The following SCAPER variants were observed in gnomAD, a reference collection of about 807,000 sequenced individuals.
The protein encoded by SCAPER is S phase cyclin A-associated protein in the endoplasmic reticulum.
A neutral mutation model predicts 182.2 loss-of-function variants in SCAPER; 98 were observed. The observed-to-expected ratio is 0.54, with a 90% CI of 0.46 to 0.64. The LOEUF (loss-of-function observed/expected upper bound fraction) is 0.64. Ranked by LOEUF, SCAPER falls within the 30% of genes least tolerant of loss-of-function variation. SCAPER has a pLI of 0.00. For synonymous variants in SCAPER, 605 were observed against 564.6 expected (o/e 1.07, Z -1.01); for missense variants, 1,432 against 1,690.0 (o/e 0.85, Z 2.68).
chr15:76,842,001 G>A (rs1955196051), intron 4 of SCAPER, 70 bp from the exon 5 acceptor site: 1 of 1,365,486 alleles, frequency 7.3e-7, no homozygotes, highest in Non-Finnish European at 1.0e-6. Context: ...TTTTTATAAA[G>A]ATTCAATCAA....
chr15:76,661,727 T>G (rs2056189853), intron 21 of SCAPER, among the ~76,000 whole-genome samples: 1 of 152,194 alleles, frequency 6.6e-6, no homozygotes. Context: ...TTTTACACTG[T>G]TGGTGGAAAT....
intron 24 of SCAPER, among the ~76,000 whole-genome samples, chr15:76,483,830 AGTACTTGACAT>A (rs1337905904): frequency 6.6e-6 from 1 of 152,206 alleles, no homozygotes; most frequent in Admixed American, 6.5e-5. Flanking sequence ...TAAAATCCAA[AGTACTTGACAT>A]CAGAAATGCG....
At chr15:76,508,824 T>C (rs1284649589) in intron 23 of SCAPER, among the ~76,000 whole-genome samples, 1 of 152,204 alleles carries the variant, frequency 6.6e-6, no homozygotes, top group Non-Finnish European at 1.5e-5. Context: ...CCCATGCTCC[T>C]TGTATGGTCA....
At chr15:76,387,644 T>C (rs970980394) in intron 27 of SCAPER, among the ~76,000 whole-genome samples, 2 of 151,954 alleles carry the variant, frequency 1.3e-5, no homozygotes, top group African/African-American at 4.8e-5. Flanking sequence ...AACTAAAAAA[T>C]AGTCACCAGT....
At chr15:76,641,886 T>G (rs1177077531) in intron 21 of SCAPER, among the ~76,000 whole-genome samples, 1 of 152,204 alleles carries the variant, frequency 6.6e-6, no homozygotes, top group Non-Finnish European at 1.5e-5. Flanking sequence ...TGACTTTGTC[T>G]AAATGAAGAA....
chr15:76,840,981 A>C (rs11633869), intron 5 of SCAPER, among the ~76,000 whole-genome samples: 50,399 of 152,112 alleles, frequency 0.33, 8,616 homozygotes, highest in East Asian at 0.55. Context: ...TAGAAGAGTG[A>C]TAAGTATCTC....
rs2046989580 is a variant in SCAPER at position 76,565,710 on chromosome 15, G to A, written c.2838+8448C>T. Among the ~76,000 whole-genome samples the A allele has an allele frequency of 2.6e-5, 4 of 151,848 alleles. No homozygotes were observed. In the South Asian group the frequency reaches 8.3e-4, roughly 31 times the overall value. On this transcript the variant is annotated intron_variant, in intron 23 of 31. Transcript: ENST00000563290. ...CTCCTTCTCTCAACACCTGCTTTTTGTTGTTTCTTTTTAAAAAATACAAAC... is the reference window on the plus strand; with the variant it reads ...CTCCTTCTCTCAACACCTGCTTTTTATTGTTTCTTTTTAAAAAATACAAAC...
intron 22 of SCAPER, among the ~76,000 whole-genome samples, chr15:76,607,402 G>T (rs1334517123): frequency 6.6e-6 from 1 of 152,166 alleles, no homozygotes; most frequent in African/African-American, 2.4e-5. Context: ...CATCTGATGG[G>T]CTTCCCTTTG....
intron 5 of SCAPER, among the ~76,000 whole-genome samples, chr15:76,818,768 G>C (rs185945371): frequency 1.3e-5 from 2 of 152,116 alleles, no homozygotes; most frequent in African/African-American, 4.8e-5. Flanking sequence ...CGCACCGTGC[G>C]TGAGCCAAAG....
At chr15:76,658,533 T>C (rs2055860736) in intron 21 of SCAPER, among the ~76,000 whole-genome samples, 1 of 152,138 alleles carries the variant, frequency 6.6e-6, no homozygotes, top group Non-Finnish European at 1.5e-5. Context: ...CTAACAATGA[T>C]ATTCTTAACA....
At chr15:76,357,496 A>G (rs2041071127) in intron 29 of SCAPER, among the ~76,000 whole-genome samples, 1 of 152,266 alleles carries the variant, frequency 6.6e-6, no homozygotes, top group African/African-American at 2.4e-5. Context: ...GAGAACGCTT[A>G]TACGCTGTTG....
intron 20 of SCAPER, among the ~76,000 whole-genome samples, chr15:76,698,353 A>G (rs1302100199): frequency 6.6e-6 from 1 of 152,186 alleles, no homozygotes; most frequent in Non-Finnish European, 1.5e-5. Flanking sequence ...GTCAAGCATT[A>G]TATCAAACAT....
At chr15:76,882,352 G>A (rs963629203) in intron 2 of SCAPER, among the ~76,000 whole-genome samples, 5 of 151,470 alleles carry the variant, frequency 3.3e-5, no homozygotes, top group East Asian at 1.9e-4. Flanking sequence ...TGATTGTGCC[G>A]CTGCACTCCA....
At chr15:76,739,245 T>C (rs2061430337) in intron 15 of SCAPER, among the ~76,000 whole-genome samples, 1 of 152,188 alleles carries the variant, frequency 6.6e-6, no homozygotes. Context: ...ACTACATACA[T>C]TGTACAAATT....
chr15:76,650,744 T>C (rs1393572525), intron 21 of SCAPER, among the ~76,000 whole-genome samples: 5 of 152,054 alleles, frequency 3.3e-5, no homozygotes, highest in African/African-American at 1.2e-4. Context: ...AAATAAGCAA[T>C]ATTGTCCAAG....
intron 29 of SCAPER, among the ~76,000 whole-genome samples, chr15:76,366,733 TCCCACTTCTATAG>T (rs1449241722): frequency 6.6e-6 from 1 of 152,196 alleles, no homozygotes; most frequent in Non-Finnish European, 1.5e-5. Flanking sequence ...TCTCCTTCCC[TCCCACTTCTATAG>T]CCCAAGGTGG....
At chr15:76,848,645 T>C (rs546717738) in intron 4 of SCAPER, among the ~76,000 whole-genome samples, 1 of 152,318 alleles carries the variant, frequency 6.6e-6, no homozygotes, top group Admixed American at 6.5e-5. Flanking sequence ...AAGATTTATG[T>C]CTACCCCTTC....
chr15:76,703,691 T>G (rs1026359266), intron 18 of SCAPER, among the ~76,000 whole-genome samples: 3 of 152,172 alleles, frequency 2.0e-5, no homozygotes, highest in Admixed American at 6.5e-5. Context: ...CTCCTCATAT[T>G]AGACTAAGTG....
At chr15:76,863,603 A>G (rs749993380) in intron 2 of SCAPER, among the ~76,000 whole-genome samples, 8 of 152,216 alleles carry the variant, frequency 5.3e-5, no homozygotes, top group Non-Finnish European at 7.3e-5. Context: ...TGAAGCAAAC[A>G]TGTAAGAGTA....
Sources: allele counts gnomAD v4.1 joint callset (sites outside exome capture counted in the v4.1 genomes callset), GRCh38; gene constraint gnomAD v4.1.1; transcripts MANE v1.5; gene names NCBI Gene and HGNC (gene_info 2026-07-23, HGNC 2026-07-21).